Variants in TBCD observed in about 807,000 individuals in gnomAD.
TBCD encodes the protein tubulin folding cofactor D, also known as tubulin-specific chaperone D.
TBCD carries 105 observed loss-of-function variants against 169.3 expected under a neutral mutation model. That is an observed-to-expected ratio of 0.62 (90% CI 0.53 to 0.73). The LOEUF (loss-of-function observed/expected upper bound fraction) is 0.73, where lower values mean the gene tolerates loss of function less well. Among genes scored for constraint, TBCD ranks in the 30% least tolerant of loss-of-function variants. TBCD has a pLI of 0.00. For missense variants in TBCD, 1,444 were observed against 1,600.1 expected (o/e 0.90, Z 1.66); for synonymous variants, 700 against 643.9 (o/e 1.09, Z -1.32).
At chr17:82,830,600 G>A in intron 13 of TBCD, 3 of 1,614,080 alleles carry the variant, frequency 1.9e-6, no homozygotes, top group Non-Finnish European at 2.5e-6. Context: ...GCAGCTCGTG[G>A]TCGACCGGGG....
chr17:82,760,966 T>G (rs1000519547), intron 2 of TBCD, among the ~76,000 whole-genome samples: 1 of 151,704 alleles, frequency 6.6e-6, no homozygotes, highest in Non-Finnish European at 1.5e-5. Context: ...TTTCAGTCTT[T>G]TTTTTTTTTT....
rs996143375 is a variant in TBCD at position 82,789,248 on chromosome 17, T to G, written c.771+7527T>G. Reference sequence around the variant, plus strand: ...GCCAGCTCCTAACACTCATTTCCCATCACTCAGCATTTTATGTGGGGCGGG... The same window carrying G: ...GCCAGCTCCTAACACTCATTTCCCAGCACTCAGCATTTTATGTGGGGCGGG... On this transcript the variant is annotated intron_variant, in intron 7 of 38. Coordinates refer to ENST00000355528, the MANE Select transcript of TBCD (RefSeq NM_005993.5). This position sits in a 1 kb window ranked among gnomAD's most constrained non-coding sequence, Gnocchi z 4.8. Among the ~76,000 whole-genome samples the G allele has an allele frequency of 1.3e-5, 2 of 152,194 alleles. No individual in the cohort carries two copies. Among genetic ancestry groups the G allele is most frequent in the African/African-American group, 4.8e-5 (2 of 41,444 alleles).
At chr17:82,811,875 A>T (rs2051464919) in intron 12 of TBCD, among the ~76,000 whole-genome samples, 1 of 152,180 alleles carries the variant, frequency 6.6e-6, no homozygotes, top group African/African-American at 2.4e-5. Context: ...GGTCCGAGAA[A>T]GGGCATTAAT....
At chr17:82,805,305 G>T (rs531305555) in intron 9 of TBCD, among the ~76,000 whole-genome samples, 1 of 152,344 alleles carries the variant, frequency 6.6e-6, no homozygotes, top group East Asian at 1.9e-4. Context: ...CAGGAGCCAG[G>T]TCCCAGGGTC....
rs527471342 is a variant in TBCD, at chr17:82,926,559, G to A, written c.2471+68G>A. On this transcript the variant is annotated intron_variant, in intron 28 of 38. Transcript: ENST00000355528. ...AGGCCAGCAGATGAACGCTAAGGGG[G>A]ATGTTTTTGCTCAGAGGCAGGACTT... The A allele has an allele frequency of 7.6e-5, 105 of 1,379,526 alleles. No individual in the cohort carries two copies. The African/African-American group carries it at 1.4e-3, about 18-fold the overall frequency. 85.5% of individuals were successfully genotyped at this position (1,379,526 alleles called of 1,614,324 possible). A position where few individuals can be genotyped will look rare whatever the true frequency, so the allele number is the denominator to read the frequency against.
At chr17:82,882,810 G>A (rs755716901) in intron 14 of TBCD, among the ~76,000 whole-genome samples, 22 of 152,258 alleles carry the variant, frequency 1.4e-4, no homozygotes, top group Non-Finnish European at 3.1e-4. Context: ...CAGACAGTGC[G>A]AGACACAGGA....
chr17:82,844,011 T>C (rs1381167503), intron 13 of TBCD, among the ~76,000 whole-genome samples: 1 of 152,230 alleles, frequency 6.6e-6, no homozygotes, highest in African/African-American at 2.4e-5. Context: ...GTCTTAGTTT[T>C]CTTAACTTTA....
intron 2 of TBCD, among the ~76,000 whole-genome samples, chr17:82,758,382 C>T (rs1252489112): frequency 5.6e-4 from 3 of 5,372 alleles, no homozygotes; most frequent in African/African-American, 7.5e-4. Flanking sequence ...GAAAACGTCT[C>T]GGAAAAAAAA....
chr17:82,820,195 C>G (rs2052298356), intron 13 of TBCD, among the ~76,000 whole-genome samples: 1 of 152,172 alleles, frequency 6.6e-6, no homozygotes, highest in African/African-American at 2.4e-5. Flanking sequence ...CCAGGCTGGT[C>G]TCGAACTCCT....
At chr17:82,933,917 C>T (rs1043410332) in intron 34 of TBCD, among the ~76,000 whole-genome samples, 7 of 152,200 alleles carry the variant, frequency 4.6e-5, no homozygotes, top group Non-Finnish European at 5.9e-5. Flanking sequence ...CTGGCTTGGG[C>T]GCTACTCTTA....
At chr17:82,847,018 C>T (rs2055184489) in intron 13 of TBCD, among the ~76,000 whole-genome samples, 1 of 152,212 alleles carries the variant, frequency 6.6e-6, no homozygotes, top group African/African-American at 2.4e-5. Flanking sequence ...ACCGCTCAGC[C>T]ATTTTCTACA....
At chr17:82,772,871 T>G (rs2048375806) in intron 6 of TBCD, among the ~76,000 whole-genome samples, 1 of 152,054 alleles carries the variant, frequency 6.6e-6, no homozygotes, top group African/African-American at 2.4e-5. Context: ...ATGGGTGGTG[T>G]TGGGCCTCTG....
chr17:82,873,486 C>T (rs1044685652), intron 14 of TBCD, among the ~76,000 whole-genome samples: 14 of 152,256 alleles, frequency 9.2e-5, no homozygotes, highest in Admixed American at 5.2e-4. Flanking sequence ...GATCAGGTGC[C>T]GACTTTGGAG....
intron 19 of TBCD, among the ~76,000 whole-genome samples, chr17:82,905,628 C>T (rs113254953): frequency 1.4e-4 from 4 of 29,284 alleles, no homozygotes; most frequent in Admixed American, 2.4e-4. Context: ...CGTGTGTGCA[C>T]GCCGTCGCCT....
chr17:82,790,213 G>C (rs1249946328), intron 7 of TBCD, among the ~76,000 whole-genome samples: 1 of 152,154 alleles, frequency 6.6e-6, no homozygotes, highest in Non-Finnish European at 1.5e-5. Context: ...CTACCCTCCC[G>C]CCTCTCCTGT....
At chr17:82,891,588 G>A (rs752257758) in intron 16 of TBCD, among the ~76,000 whole-genome samples, 1 of 152,224 alleles carries the variant, frequency 6.6e-6, no homozygotes, top group Non-Finnish European at 1.5e-5. Flanking sequence ...CAAAGCAAAC[G>A]GGAGTGGACG....
intron 2 of TBCD, among the ~76,000 whole-genome samples, chr17:82,758,384 G>GAAAAAAAAAAAAAAAAAAAAAAAA (rs71168146): frequency 2.4e-4 from 6 of 24,966 alleles, no homozygotes; most frequent in African/African-American, 3.0e-4. Flanking sequence ...AAACGTCTCG[G>GAAAAAAAAAAAAAAAAAAAAAAAA]AAAAAAAAAA....
At position 82,944,794 on chromosome 17, in the gene TBCD, A is replaced by G. The variant is rs543071929; in HGVS notation, c.*2331A>G. ...CCTGAGGGTTTCTGCTGAGCCCTGG[A>G]ATCTAGTCACGCTATTTTGATAGCA... On this transcript the variant is annotated 3_prime_UTR_variant, in exon 39 of 39. Coordinates refer to ENST00000355528, the MANE Select transcript of TBCD (RefSeq NM_005993.5). 8.5e-4 allele frequency: 129 copies of G among 152,346 alleles called. No homozygotes were observed. Among genetic ancestry groups the G allele is most frequent in the African/African-American group, 2.5e-3 (106 of 41,570 alleles). 9.4% of individuals were successfully genotyped at this position (152,346 alleles called of 1,614,324 possible).
At chr17:82,815,117 C>G (rs926227544) in intron 13 of TBCD, among the ~76,000 whole-genome samples, 183 bp downstream of exon 13, 5 of 152,230 alleles carry the variant, frequency 3.3e-5, no homozygotes, top group Non-Finnish European at 7.3e-5. Flanking sequence ...TGTGGCCCTG[C>G]CGCGGGCACG....
Sources: allele counts gnomAD v4.1 joint callset (sites outside exome capture counted in the v4.1 genomes callset), GRCh38; gene constraint gnomAD v4.1.1; non-coding constraint Gnocchi (gnomAD v3.1); transcripts MANE v1.5; gene names NCBI Gene and HGNC (gene_info 2026-07-23, HGNC 2026-07-21).